SLIT1: variants seen among roughly 807,000 people sequenced by gnomAD.
The protein encoded by SLIT1 is slit homolog 1 protein.
SLIT1 carries 66 observed loss-of-function variants against 186.1 expected under a neutral mutation model. The observed-to-expected ratio is 0.35, with a 90% CI of 0.29 to 0.44. The LOEUF (loss-of-function observed/expected upper bound fraction) is 0.44. Among genes scored for constraint, SLIT1 ranks in the 20% least tolerant of loss-of-function variants. SLIT1 has a pLI of 1.00. For missense variants in SLIT1, 1,638 were observed against 2,037.4 expected (o/e 0.80, Z 3.77); for synonymous variants, 761 against 833.8 (o/e 0.91, Z 1.50).
chr10:97,148,838 A>G (rs1167225935), intron 4 of SLIT1, among the ~76,000 whole-genome samples: 2 of 152,192 alleles, frequency 1.3e-5, no homozygotes, highest in South Asian at 2.1e-4. Context: ...TCACCTCCCT[A>G]AAAGTTATTC....
At chr10:97,132,305 G>T (rs533507956) in intron 4 of SLIT1, among the ~76,000 whole-genome samples, 28 of 152,258 alleles carry the variant, frequency 1.8e-4, no homozygotes, top group South Asian at 4.1e-4. Context: ...CCAACTTGAG[G>T]TTCCCCTTCA....
intron 1 of SLIT1, among the ~76,000 whole-genome samples, chr10:97,165,553 A>G (rs1369993008): frequency 1.3e-5 from 2 of 152,144 alleles, no homozygotes; most frequent in African/African-American, 4.8e-5. Flanking sequence ...TCAGGCCTAG[A>G]GTAGCTGAGG....
Position 97,043,501 on chromosome 10 carries a change from G to GT in SLIT1, c.1865dup (p.Asn622LysfsTer81). The GT allele has an allele frequency of 6.2e-7, 1 of 1,613,496 alleles. No homozygotes were observed. The highest frequency in any genetic ancestry group is 8.5e-7 in the Non-Finnish European group (1 of 1,179,894). ...CGTTGTGGATGCAGCTGATGCGGTT[G>GT]TTCCGCAGCATTCTGGGGAGGAACG... On this transcript the variant is annotated frameshift_variant, in exon 19 of 37. Transcript: ENST00000266058. LOFTEE classifies it high-confidence loss of function. This position sits in a 1 kb window ranked among gnomAD's most constrained non-coding sequence, Gnocchi z 7.0.
At chr10:97,049,456 G>A (rs966753253) in intron 13 of SLIT1, among the ~76,000 whole-genome samples, 18 of 152,202 alleles carry the variant, frequency 1.2e-4, no homozygotes, top group Non-Finnish European at 1.9e-4. Flanking sequence ...GCGGAGACAG[G>A]AAGGACCCAG....
intron 4 of SLIT1, among the ~76,000 whole-genome samples, chr10:97,085,706 T>A (rs1302877305): frequency 6.6e-6 from 1 of 152,272 alleles, no homozygotes; most frequent in Non-Finnish European, 1.5e-5. Flanking sequence ...ATAGTTTTAA[T>A]CAATCAATTA....
chr10:97,043,021 G>C lies in SLIT1; in HGVS notation c.2044C>G (p.Leu682Val). 1.2e-6 allele frequency: 2 copies of C among 1,614,208 alleles called. No individual in the cohort carries two copies. Among genetic ancestry groups the C allele is most frequent in the Non-Finnish European group, 1.7e-6 (2 of 1,180,034 alleles). Residue 682 changes from leucine (L) to valine (V), a missense_variant, in exon 20 of 37, where the codon CTA becomes GTA. Coordinates refer to ENST00000266058, the MANE Select transcript of SLIT1 (RefSeq NM_003061.3). This position sits in a 1 kb window ranked among gnomAD's most constrained non-coding sequence, Gnocchi z 7.0. ...PFNCNCQLAW[L>V]GGWLRKRKIV... ...TTGCGCTTCCGTAGCCAGCCTCCTAGCCAGGCCAGCTGGCAGTTGCAGTTG... is the reference window on the plus strand; with the variant it reads ...TTGCGCTTCCGTAGCCAGCCTCCTACCCAGGCCAGCTGGCAGTTGCAGTTG...
At chr10:97,060,857 T>C (rs1192910637) in intron 8 of SLIT1, 70 bp from the exon 9 acceptor site, 1 of 1,466,304 alleles carries the variant, frequency 6.8e-7, no homozygotes, top group Non-Finnish European at 9.1e-7. Flanking sequence ...AGATACCGAC[T>C]GATGGATGGG....
Position 97,006,402 on chromosome 10 carries a change from G to T in SLIT1, c.3579+81C>A. ...TTCCAGTTCCCCAGGCACCATGCAG[G>T]GATGTATCCTGATGCTCTGGCCTAA... On this transcript the variant is annotated intron_variant, in intron 32 of 36. Coordinates refer to ENST00000266058, the MANE Select transcript of SLIT1 (RefSeq NM_003061.3). The surrounding 1 kb of genome is among the most constrained non-coding windows in gnomAD (Gnocchi z 4.0). 1 of 922,408 alleles carries T rather than the reference G, an allele frequency of 1.1e-6. No homozygotes were observed. Among genetic ancestry groups the T allele is most frequent in the Non-Finnish European group, 1.7e-6 (1 of 572,074 alleles). 57.1% of individuals were successfully genotyped at this position (922,408 alleles called of 1,614,324 possible).
chr10:97,001,037 C>T lies in SLIT1; in HGVS notation c.*75G>A. ...TGTGATGACCTGCACCCCAGCCCAG[C>T]TGCTGGCGACTGTCTCCGCTGCTGC... On this transcript the variant is annotated 3_prime_UTR_variant, in exon 37 of 37. Coordinates refer to ENST00000266058, the MANE Select transcript of SLIT1 (RefSeq NM_003061.3). The T allele has an allele frequency of 8.0e-7, 1 of 1,244,836 alleles. No individual in the cohort carries two copies. Among genetic ancestry groups the T allele is most frequent in the Non-Finnish European group, 1.2e-6 (1 of 866,686 alleles). 77.1% of individuals were successfully genotyped at this position (1,244,836 alleles called of 1,614,324 possible).
rs1848505432 is a variant in SLIT1 at position 97,021,900 on chromosome 10, A to T, written c.2583-487T>A. Among the ~76,000 whole-genome samples the T allele has an allele frequency of 6.6e-6, 1 of 152,160 alleles. No individual in the cohort carries two copies. The highest frequency in any genetic ancestry group is 1.5e-5 in the Non-Finnish European group (1 of 68,034). On this transcript the variant is annotated intron_variant, in intron 25 of 36. Transcript: ENST00000266058. The surrounding 1 kb of genome is among the most constrained non-coding windows in gnomAD (Gnocchi z 4.5). Reference sequence around the variant, plus strand: ...TTAAGCACTGCATATGCATTGTCTCACTTAGTCATCACCACACGCTACTAT... The same window carrying T: ...TTAAGCACTGCATATGCATTGTCTCTCTTAGTCATCACCACACGCTACTAT...
At chr10:97,124,922 C>T (rs962795718) in intron 4 of SLIT1, among the ~76,000 whole-genome samples, 6 of 152,156 alleles carry the variant, frequency 3.9e-5, no homozygotes, top group African/African-American at 1.4e-4. Context: ...GCAAAGGATT[C>T]AAACAGGTAG....
rs1848704495 is a variant in SLIT1 at position 97,043,190 on chromosome 10, C to T, written c.1998-123G>A. Reference sequence around the variant, plus strand: ...CATGGCACTGTCTCCCAGACCACCACCCATCACCAAGAGGACCGGCTCTGA... The same window carrying T: ...CATGGCACTGTCTCCCAGACCACCATCCATCACCAAGAGGACCGGCTCTGA... On this transcript the variant is annotated intron_variant, in intron 19 of 36. Transcript: ENST00000266058. This position sits in a 1 kb window ranked among gnomAD's most constrained non-coding sequence, Gnocchi z 7.0. 1 of 1,328,188 alleles carries T rather than the reference C, an allele frequency of 7.5e-7. No homozygotes were observed. The highest frequency in any genetic ancestry group is 1.4e-5 in the South Asian group (1 of 73,542). The allele number at this position is 1,328,188 out of a possible 1,614,324, so 82.3% of individuals were successfully genotyped here. A position where few individuals can be genotyped will look rare whatever the true frequency, so the allele number is the denominator to read the frequency against.
At position 97,000,950 on chromosome 10, in the gene SLIT1, C is replaced by T; in HGVS notation, c.*162G>A. 1.6e-6 allele frequency: 1 copy of T among 620,348 alleles called. No individual in the cohort carries two copies. The highest frequency in any genetic ancestry group is 2.8e-6 in the Non-Finnish European group (1 of 355,446). The allele number at this position is 620,348 out of a possible 1,614,324, so 38.4% of individuals were successfully genotyped here. ...CTGCCCCCAGCTATGGCGCAATTTG[C>T]TTTTAAAAGGCTGCTCTGGCACCAC... On this transcript the variant is annotated 3_prime_UTR_variant, in exon 37 of 37. Coordinates refer to ENST00000266058, the MANE Select transcript of SLIT1 (RefSeq NM_003061.3).
intron 4 of SLIT1, among the ~76,000 whole-genome samples, chr10:97,124,163 C>A (rs920831673): frequency 6.6e-6 from 1 of 152,138 alleles, no homozygotes; most frequent in Non-Finnish European, 1.5e-5. Flanking sequence ...GTATGCATAA[C>A]CTTATAAATT....
chr10:97,099,454 G>C (rs185081289), intron 4 of SLIT1, among the ~76,000 whole-genome samples: 11 of 152,112 alleles, frequency 7.2e-5, no homozygotes, highest in Admixed American at 2.6e-4. Context: ...CTCCAGGTTG[G>C]GGGGGTGGGG....
chr10:97,115,627 C>T (rs938128992), intron 4 of SLIT1, among the ~76,000 whole-genome samples: 2 of 151,998 alleles, frequency 1.3e-5, no homozygotes, highest in Non-Finnish European at 2.9e-5. Flanking sequence ...GGCATCCTGA[C>T]CCCTGAGTCC....
At chr10:97,178,716 C>T (rs1850289184) in intron 1 of SLIT1, among the ~76,000 whole-genome samples, 1 of 151,874 alleles carries the variant, frequency 6.6e-6, no homozygotes, top group Non-Finnish European at 1.5e-5. Flanking sequence ...TTCAACGTCT[C>T]CAAGCTATTC....
intron 25 of SLIT1, among the ~76,000 whole-genome samples, chr10:97,026,325 A>G (rs1480878135): frequency 6.6e-6 from 1 of 152,112 alleles, no homozygotes; most frequent in Non-Finnish European, 1.5e-5. Context: ...TTAGCCAGGC[A>G]TAGTGGCAGG....
chr10:97,155,684 G>A (rs1003800685), intron 4 of SLIT1, among the ~76,000 whole-genome samples: 2 of 152,314 alleles, frequency 1.3e-5, no homozygotes, highest in East Asian at 1.9e-4. Flanking sequence ...AGAGGGCAAC[G>A]GATCACTATG....
Sources: gnomAD v4.1 joint callset for allele counts (sites outside exome capture counted in the v4.1 genomes callset) on GRCh38, gnomAD v4.1.1 for gene constraint, Gnocchi (gnomAD v3.1) non-coding constraint, MANE v1.5 for transcripts, NCBI Gene and HGNC (gene_info 2026-07-23, HGNC 2026-07-21) for gene names.